HOTAIR: variants seen among roughly 807,000 people sequenced by gnomAD.
HOTAIR encodes the protein HOX transcript antisense RNA, also known as HOX transcript antisense RNA (non-protein coding).
At position 53,973,520 on chromosome 12, in the gene HOTAIR, T is replaced by C; in HGVS notation, n.59+1378A>G. On this transcript the variant is annotated intron_variant and non_coding_transcript_variant, in intron 1 of 6. Coordinates refer to ENST00000424518, the Ensembl canonical transcript of HOTAIR. The surrounding 1 kb of genome is among the most constrained non-coding windows in gnomAD (Gnocchi z 4.3). Reference sequence around the variant, plus strand: ...ATCGGAACAGCTACTCCTCCTGCTATGCGGCGGCCGACGAGCTTATGCACC... The same window carrying C: ...ATCGGAACAGCTACTCCTCCTGCTACGCGGCGGCCGACGAGCTTATGCACC... The C allele has an allele frequency of 1.2e-6, 2 of 1,613,710 alleles. No homozygotes were observed. The highest frequency in any genetic ancestry group is 1.3e-5 in the African/African-American group (1 of 74,970).
chr12:53,972,645 A>G (rs879937175), intron 1 of HOTAIR, among the ~76,000 whole-genome samples: 1 of 152,192 alleles, frequency 6.6e-6, no homozygotes, highest in African/African-American at 2.4e-5. Context: ...ACTCTTGTGA[A>G]CAGGCGGTGT....
intron 1 of HOTAIR, among the ~76,000 whole-genome samples, chr12:53,974,653 C>T (rs1368000669): frequency 6.6e-6 from 1 of 151,410 alleles, no homozygotes; most frequent in Middle Eastern, 3.2e-3. Context: ...AGGCGCTGCC[C>T]CGCGGGCTTC....
chr12:53,969,402 C>T lies in HOTAIR; in HGVS notation n.60-646G>A, dbSNP rs543855062. On this transcript the variant is annotated intron_variant and non_coding_transcript_variant, in intron 1 of 6. Transcript: ENST00000424518. ...CCTTCTCCCTCCCCACTACCTCCTC[C>T]ATAGGTCCCAGGAACCTCTGAGCAG... Among the ~76,000 whole-genome samples the T allele has an allele frequency of 9.2e-5, 14 of 152,292 alleles. No individual in the cohort carries two copies. The East Asian group carries it at 9.6e-4, about 10-fold the overall frequency.
exon 7 of HOTAIR, chr12:53,963,911 T>TA (rs1372303428): frequency 2.0e-5 from 3 of 152,258 alleles, no homozygotes; most frequent in African/African-American, 7.2e-5. Context: ...AAATCAGATT[T>TA]TAAAAAATAA....
intron 2 of HOTAIR, chr12:53,968,106 C>T (rs1355610825): frequency 6.6e-6 from 1 of 152,184 alleles, no homozygotes; most frequent in Non-Finnish European, 1.5e-5. Flanking sequence ...CTTAAAATGC[C>T]CCAGAAACAA....
chr12:53,971,134 A>G (rs1290065427), intron 1 of HOTAIR, among the ~76,000 whole-genome samples: 1 of 151,868 alleles, frequency 6.6e-6, no homozygotes, highest in African/African-American at 2.4e-5. Context: ...GCCCCATCTC[A>G]CTCTATAAAA....
At chr12:53,965,255 C>G (rs930505221) in intron 5 of HOTAIR, among the ~76,000 whole-genome samples, 1 of 152,242 alleles carries the variant, frequency 6.6e-6, no homozygotes, top group Non-Finnish European at 1.5e-5. Context: ...CTCCCCTCCC[C>G]ATAGTTTCAG....
Position 53,973,593 on chromosome 12 carries a change from G to C in HOTAIR, n.59+1305C>G. On this transcript the variant is annotated intron_variant and non_coding_transcript_variant, in intron 1 of 6. Coordinates refer to ENST00000424518, the Ensembl canonical transcript of HOTAIR. The surrounding 1 kb of genome is among the most constrained non-coding windows in gnomAD (Gnocchi z 4.3). ...CGTCACCGAGATCCTCATGAAAAAC[G>C]AAGGCTCCTACGGCGGCCACCACCA... The C allele has an allele frequency of 1.2e-6, 2 of 1,613,166 alleles. No homozygotes were observed. The highest frequency in any genetic ancestry group is 1.1e-5 in the South Asian group (1 of 91,032).
rs577422794 is a variant in HOTAIR at position 53,971,207 on chromosome 12, T to A, written n.60-2451A>T. 3.3e-5 allele frequency among the ~76,000 whole-genome samples: 5 copies of A among 152,240 alleles called. No homozygotes were observed. In the South Asian group the frequency reaches 1.0e-3, roughly 32 times the overall value. ...TTTCATGGCCCCTTACCAACAGAAG[T>A]CTCACACTTCAGCAAAGCCCCAATC... On this transcript the variant is annotated intron_variant and non_coding_transcript_variant, in intron 1 of 6. Coordinates refer to ENST00000424518, the Ensembl canonical transcript of HOTAIR.
chr12:53,969,271 G>A (rs561436919), intron 1 of HOTAIR, among the ~76,000 whole-genome samples: 12 of 152,344 alleles, frequency 7.9e-5, no homozygotes, highest in East Asian at 3.9e-4. Context: ...AAACCGGCTC[G>A]TAAAATAGGG....
intron 2 of HOTAIR, among the ~76,000 whole-genome samples, chr12:53,967,594 C>T (rs1939078255): frequency 1.3e-5 from 2 of 152,142 alleles, no homozygotes; most frequent in African/African-American, 4.8e-5. Flanking sequence ...CCGGGAAGCC[C>T]CAGGGAGGGA....
chr12:53,963,778 G>A (rs1938999637), exon 7 of HOTAIR: 1 of 152,240 alleles, frequency 6.6e-6, no homozygotes, highest in Admixed American at 6.5e-5. Flanking sequence ...CGAGCCGGGT[G>A]CTGCCCCGGC....
chr12:53,966,943 C>T (rs551342617), intron 3 of HOTAIR, among the ~76,000 whole-genome samples: 218 of 152,324 alleles, frequency 1.4e-3, no homozygotes, highest in Non-Finnish European at 2.2e-3. Flanking sequence ...ATCCTTGATC[C>T]TTTTCCTCCA....
rs777917677 is a variant in HOTAIR, at chr12:53,973,750, C to T, written n.59+1148G>A. The T allele has an allele frequency of 1.2e-6, 2 of 1,612,730 alleles. No homozygotes were observed. Among genetic ancestry groups the T allele is most frequent in the Non-Finnish European group, 1.7e-6 (2 of 1,179,714 alleles). On this transcript the variant is annotated intron_variant and non_coding_transcript_variant, in intron 1 of 6. Coordinates refer to ENST00000424518, the Ensembl canonical transcript of HOTAIR. This position sits in a 1 kb window ranked among gnomAD's most constrained non-coding sequence, Gnocchi z 4.3. Reference sequence around the variant, plus strand: ...GGCGGCGACCCGCCCGCCGAGCCCCCCTGCTCCGGCAAGGGCGAGGCCAAG... The same window carrying T: ...GGCGGCGACCCGCCCGCCGAGCCCCTCTGCTCCGGCAAGGGCGAGGCCAAG...
At position 53,971,996 on chromosome 12, in the gene HOTAIR, G is replaced by A. The variant is rs996135672; in HGVS notation, n.59+2902C>T. Reference sequence around the variant, plus strand: ...TGGGGGCTTTGACTAGGGAGTGGCCGCTGGGCCTCCCCTGATGCCACAGCA... The same window carrying A: ...TGGGGGCTTTGACTAGGGAGTGGCCACTGGGCCTCCCCTGATGCCACAGCA... On this transcript the variant is annotated intron_variant and non_coding_transcript_variant, in intron 1 of 6. Coordinates refer to ENST00000424518, the Ensembl canonical transcript of HOTAIR. Among the ~76,000 whole-genome samples, 5 of 152,164 alleles carry A rather than the reference G, an allele frequency of 3.3e-5. No individual in the cohort carries two copies. In the East Asian group the frequency reaches 7.7e-4, roughly 23 times the overall value.
intron 1 of HOTAIR, chr12:53,974,037 C>T: frequency 1.2e-6 from 1 of 824,526 alleles, no homozygotes; most frequent in Non-Finnish European, 1.8e-6. Flanking sequence ...TTGGGTCAGT[C>T]CGATTTTATG....
At chr12:53,974,131 G>A (rs1939204378) in intron 1 of HOTAIR, among the ~76,000 whole-genome samples, 5 of 152,210 alleles carry the variant, frequency 3.3e-5, no homozygotes, top group Non-Finnish European at 5.9e-5. Context: ...CGATGGAGAA[G>A]GGGTGGGGAG....
At position 53,973,815 on chromosome 12, in the gene HOTAIR, C is replaced by G. The variant is rs556993752; in HGVS notation, n.59+1083G>C. The G allele has an allele frequency of 5.8e-6, 9 of 1,539,738 alleles. No homozygotes were observed. In the African/African-American group the frequency reaches 9.7e-5, roughly 17 times the overall value. ...ACCCCCGGCCTCGGGACTGGCGTCCCGGGCTGAGGCGGGTGCCGAGGCGGA... is the reference window on the plus strand; with the variant it reads ...ACCCCCGGCCTCGGGACTGGCGTCCGGGGCTGAGGCGGGTGCCGAGGCGGA... On this transcript the variant is annotated intron_variant and non_coding_transcript_variant, in intron 1 of 6. Transcript: ENST00000424518. This position sits in a 1 kb window ranked among gnomAD's most constrained non-coding sequence, Gnocchi z 4.3.
In HOTAIR at chr12:53,973,411, G is replaced by T. The variant is rs771475169; in HGVS notation, n.59+1487C>A. On this transcript the variant is annotated intron_variant and non_coding_transcript_variant, in intron 1 of 6. Coordinates refer to ENST00000424518, the Ensembl canonical transcript of HOTAIR. This position sits in a 1 kb window ranked among gnomAD's most constrained non-coding sequence, Gnocchi z 4.3. ...TCCTTCCTGCCCCAGGCCCCCTCTC[G>T]TCAGATCTCCTATCCCTACTCGGCC... The T allele has an allele frequency of 2.5e-6, 4 of 1,614,040 alleles. No individual in the cohort carries two copies. Among genetic ancestry groups the T allele is most frequent in the East Asian group, 2.2e-5 (1 of 44,860 alleles).
Sources: allele counts gnomAD v4.1 joint callset (sites outside exome capture counted in the v4.1 genomes callset), GRCh38; gene constraint gnomAD v4.1.1; non-coding constraint Gnocchi (gnomAD v3.1); transcripts MANE v1.5; gene names NCBI Gene and HGNC (gene_info 2026-07-23, HGNC 2026-07-21).